ZNF536: variants seen among roughly 807,000 people sequenced by gnomAD.
ZNF536 encodes the protein zinc finger protein 536.
ZNF536 carries 13 observed loss-of-function variants against 84.5 expected under a neutral mutation model. The observed-to-expected ratio is 0.15, with a 90% CI of 0.10 to 0.24. The LOEUF (loss-of-function observed/expected upper bound fraction) is 0.24. Ranked by LOEUF, ZNF536 falls within the 10% of genes least tolerant of loss-of-function variation. ZNF536 has a pLI of 1.00. For missense variants in ZNF536, 1,536 were observed against 1,747.5 expected, an observed-to-expected ratio of 0.88 and a Z score of 2.16; for synonymous variants, 811 against 742.5, an observed-to-expected ratio of 1.09 and a Z score of -1.50.
chr19:30,374,525 C>T (rs1032443154), intron 1 of ZNF536, among the ~76,000 whole-genome samples: 3 of 151,938 alleles, frequency 2.0e-5, no homozygotes, highest in African/African-American at 7.2e-5. Context: ...AAAAATATAT[C>T]TGGTGAGGCT....
At chr19:30,322,065 T>C (rs1294537042) in intron 2 of ZNF536, among the ~76,000 whole-genome samples, 1 of 152,156 alleles carries the variant, frequency 6.6e-6, no homozygotes, top group South Asian at 2.1e-4. Context: ...TGAGCCACCA[T>C]GTCTGGCCTC....
At chr19:30,622,062 G>T (rs1278053827) in intron 1 of ZNF536, among the ~76,000 whole-genome samples, 1 of 152,118 alleles carries the variant, frequency 6.6e-6, no homozygotes, top group East Asian at 1.9e-4. Flanking sequence ...TCAACTTCCC[G>T]GCTTGAAACG....
At chr19:30,316,022 T>C (rs1943641987) in intron 2 of ZNF536, among the ~76,000 whole-genome samples, 1 of 152,226 alleles carries the variant, frequency 6.6e-6, no homozygotes. Context: ...CATGTACCCA[T>C]ATGTTGGATA....
intron 2 of ZNF536, among the ~76,000 whole-genome samples, chr19:30,482,116 T>C (rs940614252): frequency 2.0e-5 from 3 of 152,218 alleles, no homozygotes; most frequent in Non-Finnish European, 4.4e-5. Flanking sequence ...ATTGTGCTGC[T>C]ATAAATGTGT....
At chr19:30,700,226 TTC>T in intron 1 of ZNF536, among the ~76,000 whole-genome samples, 1 of 126,242 alleles carries the variant, frequency 7.9e-6, no homozygotes, top group South Asian at 2.8e-4. Flanking sequence ...CTTTCTTTCT[TTC>T]TTTCTTTCTT....
At chr19:30,582,573 T>C (rs1411086180) in intron 1 of ZNF536, among the ~76,000 whole-genome samples, 13 of 151,956 alleles carry the variant, frequency 8.6e-5, no homozygotes, top group Admixed American at 8.5e-4. Flanking sequence ...TTATTTTTTA[T>C]AGAGACGATG....
At chr19:30,572,386 T>G (rs1437682242) in intron 1 of ZNF536, among the ~76,000 whole-genome samples, 1 of 152,054 alleles carries the variant, frequency 6.6e-6, no homozygotes, top group Non-Finnish European at 1.5e-5. Flanking sequence ...CTGTGGGATA[T>G]GGAGAGAGGA....
At chr19:30,583,071 C>T (rs2046981251) in intron 1 of ZNF536, among the ~76,000 whole-genome samples, 1 of 152,176 alleles carries the variant, frequency 6.6e-6, no homozygotes, top group Non-Finnish European at 1.5e-5. Flanking sequence ...CTCTCACTAG[C>T]TCCTTGATTG....
intron 2 of ZNF536, among the ~76,000 whole-genome samples, chr19:30,292,873 C>T (rs761878334): frequency 6.6e-6 from 1 of 152,282 alleles, no homozygotes; most frequent in East Asian, 1.9e-4. Context: ...TTTTAGGATG[C>T]AGGCATGTCA....
At chr19:30,243,607 A>C (rs553782739) in intron 1 of ZNF536, among the ~76,000 whole-genome samples, 1 of 152,222 alleles carries the variant, frequency 6.6e-6, no homozygotes, top group Non-Finnish European at 1.5e-5. Flanking sequence ...GCTAATGAAA[A>C]AATTATATTT....
intron 2 of ZNF536, among the ~76,000 whole-genome samples, chr19:30,304,185 T>C (rs2046277269): frequency 6.6e-6 from 1 of 152,222 alleles, no homozygotes; most frequent in Admixed American, 6.5e-5. Context: ...TGGCATTTTC[T>C]GGGACTACCT....
rs535332532 is a variant in ZNF536, at chr19:30,252,012, A to G, written c.-190+23339A>G. 3.9e-5 allele frequency among the ~76,000 whole-genome samples: 6 copies of G among 152,334 alleles called. No individual in the cohort carries two copies. The South Asian group carries it at 1.2e-3, about 32-fold the overall frequency. ...GGTCAGCAAAGTAAACAGACAACCC[A>G]CAGAGTGGGAGAAAATCCTCACAAT... On this transcript the variant is annotated intron_variant, in intron 1 of 5. Transcript: ENST00000585628.
chr19:30,635,365 G>A (rs1219613713), intron 1 of ZNF536, among the ~76,000 whole-genome samples: 1 of 152,226 alleles, frequency 6.6e-6, no homozygotes, highest in Non-Finnish European at 1.5e-5. Context: ...TGGATTTTGT[G>A]GTTGTTGCTT....
chr19:30,705,797 T>A (rs578164036), intron 1 of ZNF536, among the ~76,000 whole-genome samples: 1 of 152,280 alleles, frequency 6.6e-6, no homozygotes, highest in African/African-American at 2.4e-5. Flanking sequence ...TTTAGATGGA[T>A]TTACATATAG....
intron 2 of ZNF536, among the ~76,000 whole-genome samples, chr19:30,466,450 G>C (rs1435056885): frequency 1.3e-5 from 2 of 150,590 alleles, no homozygotes; most frequent in African/African-American, 2.4e-5. Flanking sequence ...TGTAGTTGTA[G>C]CTACTCAGGA....
At chr19:30,234,602 A>G (rs1009340578) in intron 1 of ZNF536, among the ~76,000 whole-genome samples, 1 of 151,860 alleles carries the variant, frequency 6.6e-6, no homozygotes, top group African/African-American at 2.4e-5. Context: ...GGGTTTCACC[A>G]TGTTAGCCAG....
chr19:30,226,072 C>A (rs1409299165), upstream of ZNF536, among the ~76,000 whole-genome samples: 2 of 151,904 alleles, frequency 1.3e-5, no homozygotes, highest in Non-Finnish European at 2.9e-5. This position sits in a 1 kb window ranked among gnomAD's most constrained non-coding sequence, Gnocchi z 4.6. Flanking sequence ...GTCCCGGGAC[C>A]GTTACTTTGA....
At chr19:30,470,328 A>G (rs2053581182) in intron 2 of ZNF536, among the ~76,000 whole-genome samples, 1 of 152,218 alleles carries the variant, frequency 6.6e-6, no homozygotes, top group Non-Finnish European at 1.5e-5. Flanking sequence ...TGTTGTTAAT[A>G]TCACTGTGGT....
chr19:30,408,098 G>A (rs532261266), intron 1 of ZNF536, among the ~76,000 whole-genome samples: 2 of 152,324 alleles, frequency 1.3e-5, no homozygotes, highest in South Asian at 4.1e-4. Context: ...TTATGAGAAA[G>A]ATGGGCTGTG....
Sources: gnomAD v4.1 joint callset for allele counts (sites outside exome capture counted in the v4.1 genomes callset) on GRCh38, gnomAD v4.1.1 for gene constraint, Gnocchi (gnomAD v3.1) non-coding constraint, MANE v1.5 for transcripts, NCBI Gene and HGNC (gene_info 2026-07-23, HGNC 2026-07-21) for gene names.